CACNA1A: variants seen among roughly 807,000 people sequenced by gnomAD.
The protein encoded by CACNA1A is calcium voltage-gated channel subunit alpha1 A.
Under a neutral mutation model 262.4 loss-of-function variants are expected in CACNA1A, and 57 were observed. The observed-to-expected ratio is 0.22, with a 90% confidence interval of 0.18 to 0.27. CACNA1A has a LOEUF of 0.27. CACNA1A is among the 10% of genes least tolerant of loss of function. The pLI, the probability that CACNA1A is intolerant of heterozygous loss-of-function variation, is 1.00. For synonymous variants in CACNA1A, 1,431 were observed against 1,419.3 expected (o/e 1.01, Z -0.18); for missense variants, 2,526 against 3,562.8 (o/e 0.71, Z 7.41).
chr19:13,357,646 G>A (rs2059028732), intron 6 of CACNA1A, among the ~76,000 whole-genome samples: 1 of 152,180 alleles, frequency 6.6e-6, no homozygotes, highest in African/African-American at 2.4e-5. Context: ...GGTGAGGGAA[G>A]GTGAACTGTG....
At chr19:13,280,344 TA>T (rs1185734187) in intron 22 of CACNA1A, among the ~76,000 whole-genome samples, 95 of 145,632 alleles carry the variant, frequency 6.5e-4, no homozygotes, top group South Asian at 2.4e-3. Flanking sequence ...CTCGGTTAAT[TA>T]AAAAAAAAAA....
chr19:13,483,623 G>A (rs571225959), intron 1 of CACNA1A, among the ~76,000 whole-genome samples: 1 of 152,260 alleles, frequency 6.6e-6, no homozygotes, highest in South Asian at 2.1e-4. Context: ...ATATGGTCTT[G>A]GGCAGACTGG....
Position 13,401,273 on chromosome 19 carries a change from A to G in CACNA1A, c.540-29494T>C, listed in dbSNP as rs183956759. On this transcript the variant is annotated intron_variant, in intron 3 of 46. Coordinates refer to ENST00000360228, the MANE Select transcript of CACNA1A (RefSeq NM_001127222.2). ...TCTGCAGCCAGATTTCCTGGATTCAAATTCCAACTCTGCCACTTCCTAGCT... is the reference window on the plus strand; with the variant it reads ...TCTGCAGCCAGATTTCCTGGATTCAGATTCCAACTCTGCCACTTCCTAGCT... 4.6e-5 allele frequency among the ~76,000 whole-genome samples: 7 copies of G among 152,344 alleles called. No homozygotes were observed. In the East Asian group the frequency reaches 1.3e-3, roughly 29 times the overall value.
chr19:13,430,363 C>T (rs1355497334), intron 3 of CACNA1A, among the ~76,000 whole-genome samples: 7 of 152,042 alleles, frequency 4.6e-5, no homozygotes, highest in African/African-American at 7.2e-5. Flanking sequence ...TGCAATGCCA[C>T]GCCCAGCTAA....
chr19:13,413,273 AT>A (rs1246391047), intron 3 of CACNA1A, among the ~76,000 whole-genome samples: 2 of 151,386 alleles, frequency 1.3e-5, no homozygotes. Context: ...TACCTGGCTA[AT>A]TTTTTGTATT....
intron 37 of CACNA1A, chr19:13,227,171 C>T (rs527451190): frequency 2.4e-5 from 6 of 249,000 alleles, no homozygotes; most frequent in South Asian, 3.2e-4. Flanking sequence ...CCCCTCCCCC[C>T]GGCATGTCGG....
chr19:13,235,360 C>G, intron 32 of CACNA1A, 86 bp from the exon 33 acceptor site: 2 of 1,352,172 alleles, frequency 1.5e-6, no homozygotes. Context: ...CTCTGCCCCA[C>G]TGGGTTGGGT....
intron 46 of CACNA1A, 125 bp downstream of exon 46, chr19:13,208,631 T>G: frequency 6.6e-6 from 8 of 1,217,360 alleles, no homozygotes; most frequent in Non-Finnish European, 8.9e-6. Context: ...GGGGGCAGGA[T>G]GGGAGGTGGT....
At chr19:13,433,460 C>CAAAAAAAAAAAAAAAGAAAAAA (rs2060554817) in intron 3 of CACNA1A, among the ~76,000 whole-genome samples, 1 of 76,230 alleles carries the variant, frequency 1.3e-5, no homozygotes, top group Non-Finnish European at 2.4e-5. Flanking sequence ...GACGCTGTCT[C>CAAAAAAAAAAAAAAAGAAAAAA]AAAAAAAAAA....
At chr19:13,385,957 G>T (rs767443137) in intron 3 of CACNA1A, among the ~76,000 whole-genome samples, 2 of 151,980 alleles carry the variant, frequency 1.3e-5, no homozygotes, top group Non-Finnish European at 2.9e-5. Context: ...AGGAGTTCAA[G>T]ACCAGCCTGG....
At chr19:13,489,071 G>T (rs1403705390) in intron 1 of CACNA1A, among the ~76,000 whole-genome samples, 1 of 136,618 alleles carries the variant, frequency 7.3e-6, no homozygotes, top group African/African-American at 2.9e-5. Context: ...GAGTGCAGTG[G>T]TGCAATCTCA....
At position 13,452,723 on chromosome 19, in the gene CACNA1A, G is replaced by A. The variant is rs374340626; in HGVS notation, c.539+153C>T. On this transcript the variant is annotated intron_variant, in intron 3 of 46. Transcript: ENST00000360228. ...CTGTAATATACAGCTGAGACATGGA[G>A]GTGGGGTGTTGGCAGAAAGGAGGCA... 32 of 659,534 alleles carry A rather than the reference G, an allele frequency of 4.9e-5. No individual in the cohort carries two copies. The South Asian group carries it at 6.1e-4, about 13-fold the overall frequency. The allele number at this position is 659,534 out of a possible 1,614,324, so 40.9% of individuals were successfully genotyped here.
intron 1 of CACNA1A, among the ~76,000 whole-genome samples, chr19:13,469,832 C>A (rs1435414464): frequency 6.6e-6 from 1 of 151,910 alleles, no homozygotes; most frequent in African/African-American, 2.4e-5. Flanking sequence ...TCCCATCGAG[C>A]CCTGCAACCC....
At chr19:13,382,531 G>A (rs1309982556) in intron 3 of CACNA1A, among the ~76,000 whole-genome samples, 1 of 152,206 alleles carries the variant, frequency 6.6e-6, no homozygotes, top group Non-Finnish European at 1.5e-5. Flanking sequence ...GTATGTGGTA[G>A]GGGAGAGGTT....
Position 13,506,377 on chromosome 19 carries a change from C to G in CACNA1A, c.-153G>C, listed in dbSNP as rs1222884740. 1.7e-6 allele frequency: 1 copy of G among 585,652 alleles called. No homozygotes were observed. The highest frequency in any genetic ancestry group is 2.5e-6 in the Non-Finnish European group (1 of 396,390). 36.3% of individuals were successfully genotyped at this position (585,652 alleles called of 1,614,324 possible). ...GGAGACGCTCCACGGCCCAGCCCAT[C>G]GGGCGGCGGCGGCTCGGCGCCTCGG... On this transcript the variant is annotated 5_prime_UTR_variant, in exon 1 of 47. Transcript: ENST00000360228.
At position 13,299,295 on chromosome 19, in the gene CACNA1A, C is replaced by T. The variant is rs1388583924; in HGVS notation, c.2338G>A (p.Glu780Lys). Reference protein sequence around the residue: ...AKSVWEQRTSEMRKQNLLASR... With the variant: ...AKSVWEQRTSKMRKQNLLASR... ...GCCAGCAAGTTCTGCTTTCGCATCT[C>T]ACTGGTCCGCTGCTCCCACACGGAC... Residue 780 changes from glutamate to lysine, a missense_variant, in exon 19 of 47, where the codon GAG (glutamate) becomes AAG (lysine). Physicochemically the swap from Glu to Lys is moderately conservative, Grantham distance 56 (BLOSUM62 1). Coordinates refer to ENST00000360228, the MANE Select transcript of CACNA1A (RefSeq NM_001127222.2). The T allele has an allele frequency of 1.2e-6, 2 of 1,602,596 alleles. No individual in the cohort carries two copies. The highest frequency in any genetic ancestry group is 1.1e-5 in the South Asian group (1 of 91,096).
At chr19:13,382,133 T>C (rs1308652969) in intron 3 of CACNA1A, among the ~76,000 whole-genome samples, 3 of 151,892 alleles carry the variant, frequency 2.0e-5, no homozygotes, top group African/African-American at 4.8e-5. Flanking sequence ...ACCACACCAA[T>C]GAGTGAGTGA....
chr19:13,313,498 TAAAAAAAAAAAAAAA>T (rs1007419624), intron 11 of CACNA1A, among the ~76,000 whole-genome samples: 9 of 65,710 alleles, frequency 1.4e-4, no homozygotes, highest in Non-Finnish European at 1.9e-4. Flanking sequence ...AGACCTTGTC[TAAAAAAAAAAAAAAA>T]AAAAAAAAGC....
chr19:13,229,074 T>C, intron 36 of CACNA1A: 1 of 215,606 alleles, frequency 4.6e-6, no homozygotes, highest in Non-Finnish European at 9.2e-6. Flanking sequence ...GGGGGGGGCT[T>C]GTGGAATAGA....
Sources: gnomAD v4.1 joint callset for allele counts (sites outside exome capture counted in the v4.1 genomes callset) on GRCh38, gnomAD v4.1.1 for gene constraint, MANE v1.5 for transcripts, NCBI Gene and HGNC (gene_info 2026-07-23, HGNC 2026-07-21) for gene names.